The following KCNIP4 variants were observed in gnomAD, a reference collection of about 807,000 sequenced individuals.
KCNIP4 encodes Kv channel-interacting protein 4.
Under a neutral mutation model 34.0 loss-of-function variants are expected in KCNIP4, and 12 were observed. That is an observed-to-expected ratio of 0.35 (90% confidence interval 0.23 to 0.57). The LOEUF (loss-of-function observed/expected upper bound fraction) is 0.57, where lower values mean the gene tolerates loss of function less well. KCNIP4 is among the 20% of genes least tolerant of loss of function. The pLI, the probability that KCNIP4 is intolerant of heterozygous loss-of-function variation, is 0.83. For missense variants in KCNIP4, 238 were observed against 311.7 expected (o/e 0.76, Z 1.78); for synonymous variants, 124 against 102.2 (o/e 1.21, Z -1.29).
chr4:21,401,649 A>G (rs1465218584), intron 1 of KCNIP4, among the ~76,000 whole-genome samples: 1 of 152,240 alleles, frequency 6.6e-6, no homozygotes, highest in East Asian at 1.9e-4. Flanking sequence ...ACAGGGAATT[A>G]AGGAGCAGAG....
At chr4:21,430,058 G>T (rs761426872) in intron 1 of KCNIP4, among the ~76,000 whole-genome samples, 9 of 152,088 alleles carry the variant, frequency 5.9e-5, no homozygotes, top group Non-Finnish European at 1.0e-4. Flanking sequence ...ACAAACCTAA[G>T]ATAGTATCTT....
chr4:21,478,618 G>A (rs769667111), intron 1 of KCNIP4, among the ~76,000 whole-genome samples: 2 of 152,094 alleles, frequency 1.3e-5, no homozygotes, highest in East Asian at 1.9e-4. Flanking sequence ...TACTTTCCCC[G>A]TAAGACCTTG....
chr4:21,858,435 T>C (rs1164010785), intron 1 of KCNIP4, among the ~76,000 whole-genome samples: 10 of 152,220 alleles, frequency 6.6e-5, no homozygotes. Flanking sequence ...TAGCACAAGA[T>C]AAAATGAAAG....
chr4:21,868,382 C>T (rs1725558736), intron 1 of KCNIP4, among the ~76,000 whole-genome samples: 1 of 152,076 alleles, frequency 6.6e-6, no homozygotes, highest in African/African-American at 2.4e-5. Context: ...TCTATAATAA[C>T]TAAAAATTAA....
intron 2 of KCNIP4, among the ~76,000 whole-genome samples, chr4:20,853,176 T>C (rs1721212786): frequency 6.6e-6 from 1 of 152,044 alleles, no homozygotes; most frequent in African/African-American, 2.4e-5. Flanking sequence ...CATGGCCTCA[T>C]AGAAAAAGCA....
At chr4:21,210,342 C>A (rs972362202) in intron 1 of KCNIP4, among the ~76,000 whole-genome samples, 2 of 152,112 alleles carry the variant, frequency 1.3e-5, no homozygotes, top group Non-Finnish European at 2.9e-5. Flanking sequence ...CTGCATTCTC[C>A]CTCAGCGAGA....
At chr4:20,735,977 A>G (rs1282929681) in intron 5 of KCNIP4, among the ~76,000 whole-genome samples, 2 of 152,156 alleles carry the variant, frequency 1.3e-5, no homozygotes, top group Non-Finnish European at 2.9e-5. Flanking sequence ...CCTTTCTCAC[A>G]TTCCTTCCTT....
At chr4:21,760,596 G>T (rs9784415) in intron 1 of KCNIP4, among the ~76,000 whole-genome samples, 13,856 of 152,096 alleles carry the variant, frequency 0.091, 2,129 homozygotes, top group African/African-American at 0.32. Context: ...CTGACTTCTA[G>T]GCCTTTTCTG....
In KCNIP4 at chr4:21,467,073, AACACACACACAC is replaced by A. The variant is rs33937973; in HGVS notation, c.61+481486_61+481497del. On this transcript the variant is annotated intron_variant, in intron 1 of 8. Transcript: ENST00000382152. ...AACCAAACCAAACCAAACCAAAACA[AACACACACACAC>A]ACACACACACACACACACACACACA... 1.2e-3 allele frequency among the ~76,000 whole-genome samples: 170 copies of A among 139,836 alleles called. 1 individual carries two copies. Among genetic ancestry groups the A allele is most frequent in the Middle Eastern group, 7.4e-3 (2 of 272 alleles). 91.7% of individuals were successfully genotyped at this position (139,836 alleles called of 152,430 possible).
rs71655673 is a variant in KCNIP4 at position 21,894,334 on chromosome 4, C to CAAAT, written c.61+54233_61+54236dup. ...TGGGTGACAAAGTGAGACCCAGTCT[C>CAAAT]AAATAAATAAATAAATAAATAAATA... is the stretch of plus-strand genomic sequence containing the variant. On this transcript the variant is annotated intron_variant, in intron 1 of 8. Coordinates refer to ENST00000382152, the MANE Select transcript of KCNIP4 (RefSeq NM_025221.6). Among the ~76,000 whole-genome samples, 832 of 150,894 alleles carry CAAAT rather than the reference C, an allele frequency of 5.5e-3. 9 individuals are homozygous for CAAAT. Among genetic ancestry groups the CAAAT allele is most frequent in the African/African-American group, 0.018 (733 of 41,196 alleles).
chr4:21,935,070 A>T (rs965136996), intron 1 of KCNIP4, among the ~76,000 whole-genome samples: 1 of 151,924 alleles, frequency 6.6e-6, no homozygotes, highest in East Asian at 1.9e-4. Context: ...CCCCAGCTGG[A>T]GTATAGAGCC....
intron 1 of KCNIP4, among the ~76,000 whole-genome samples, chr4:21,552,477 A>G (rs1394405201): frequency 2.0e-5 from 3 of 152,178 alleles, no homozygotes; most frequent in Non-Finnish European, 4.4e-5. Context: ...AAAAGTAATC[A>G]TCCCAAGAGA....
intron 1 of KCNIP4, among the ~76,000 whole-genome samples, chr4:20,997,664 T>C (rs572094341): frequency 6.6e-6 from 1 of 152,188 alleles, no homozygotes; most frequent in Non-Finnish European, 1.5e-5. Context: ...TCTCTGGGTG[T>C]TCTTGACCAT....
intron 1 of KCNIP4, among the ~76,000 whole-genome samples, chr4:21,749,563 C>T (rs1488611070): frequency 6.6e-5 from 10 of 152,124 alleles, no homozygotes; most frequent in Admixed American, 6.6e-4. Context: ...GAATTTCTCT[C>T]TAACCCCATT....
At chr4:20,791,111 G>C (rs1216560178) in intron 3 of KCNIP4, among the ~76,000 whole-genome samples, 1 of 152,058 alleles carries the variant, frequency 6.6e-6, no homozygotes, top group Non-Finnish European at 1.5e-5. Flanking sequence ...GATGACAGTA[G>C]TTTTTTCATC....
At chr4:21,066,497 A>G (rs937680008) in intron 1 of KCNIP4, among the ~76,000 whole-genome samples, 1 of 152,136 alleles carries the variant, frequency 6.6e-6, no homozygotes, top group Non-Finnish European at 1.5e-5. Context: ...TTAATCACCT[A>G]TACCATCCCT....
chr4:21,270,452 C>G (rs544920785), intron 1 of KCNIP4, among the ~76,000 whole-genome samples: 2 of 152,218 alleles, frequency 1.3e-5, no homozygotes, highest in Admixed American at 1.3e-4. Flanking sequence ...ACACCTAAAA[C>G]CATGCTACTG....
chr4:21,935,031 T>C (rs553796815), intron 1 of KCNIP4, among the ~76,000 whole-genome samples: 4 of 152,008 alleles, frequency 2.6e-5, no homozygotes, highest in Non-Finnish European at 4.4e-5. Context: ...TATCCTCCCA[T>C]CACCATAAGC....
chr4:21,812,820 T>C (rs904376104), intron 1 of KCNIP4, among the ~76,000 whole-genome samples: 1 of 152,168 alleles, frequency 6.6e-6, no homozygotes, highest in African/African-American at 2.4e-5. Context: ...TCAAAATCAC[T>C]GGTTTACCTA....
Sources: gnomAD v4.1 joint callset for allele counts (sites outside exome capture counted in the v4.1 genomes callset) on GRCh38, gnomAD v4.1.1 for gene constraint, MANE v1.5 for transcripts, NCBI Gene and HGNC (gene_info 2026-07-23, HGNC 2026-07-21) for gene names.